The following ARL10 variants were observed in gnomAD, a reference collection of about 807,000 sequenced individuals.
ARL10 encodes ADP-ribosylation factor-like protein 10.
Under a neutral mutation model 26.1 loss-of-function variants are expected in ARL10, and 23 were observed. That is an observed-to-expected ratio of 0.88 (90% CI 0.63 to 1.25). The LOEUF is 1.25. ARL10 is among the 50% of genes most tolerant of loss of function. ARL10 has a pLI of 0.00. For synonymous variants in ARL10, 138 were observed against 149.1 expected (o/e 0.93, Z 0.54); for missense variants, 300 against 323.6 (o/e 0.93, Z 0.56).
At chr5:176,398,675 G>A (rs893005487) in intron 1 of ARL10, among the ~76,000 whole-genome samples, 1 of 151,938 alleles carries the variant, frequency 6.6e-6, no homozygotes, top group Non-Finnish European at 1.5e-5. Flanking sequence ...TCACACCATT[G>A]CACTCCAGCC....
chr5:176,369,294 G>A, intron 3 of ARL10: 4 of 1,111,750 alleles, frequency 3.6e-6, no homozygotes, highest in East Asian at 9.6e-5. Context: ...ATGCAGTGGT[G>A]TGATCTCGGC....
chr5:176,389,625 A>AC, downstream of ARL10: 1 of 1,034,046 alleles, frequency 9.7e-7, no homozygotes, highest in Non-Finnish European at 1.4e-6. Flanking sequence ...GGAGGAAGTG[A>AC]CCCTTTGTGT....
intron 2 of ARL10, 92 bp downstream of exon 2, chr5:176,366,673 A>G (rs1217245915): frequency 4.2e-6 from 6 of 1,413,346 alleles, no homozygotes; most frequent in Non-Finnish European, 4.9e-6. Flanking sequence ...ATGCATGTCT[A>G]AGCAGCACAT....
At chr5:176,404,463 G>C (rs1036616204), downstream of ARL10, among the ~76,000 whole-genome samples, 4 of 152,242 alleles carry the variant, frequency 2.6e-5, no homozygotes, top group Non-Finnish European at 5.9e-5. Flanking sequence ...GCCAGGCTCA[G>C]AGTAGTTAAG....
chr5:176,367,201 G>A (rs1768346307), intron 2 of ARL10, among the ~76,000 whole-genome samples: 1 of 151,920 alleles, frequency 6.6e-6, no homozygotes, highest in Non-Finnish European at 1.5e-5. Flanking sequence ...AGAGACGGGG[G>A]TTTCACCACA....
chr5:176,386,724 A>G, downstream of ARL10: 1 of 888,342 alleles, frequency 1.1e-6, no homozygotes, highest in Non-Finnish European at 1.9e-6. Flanking sequence ...GAACCAGCTC[A>G]CTTCTCCCCT....
chr5:176,396,289 A>G (rs1327431637), intron 1 of ARL10, among the ~76,000 whole-genome samples: 3 of 152,108 alleles, frequency 2.0e-5, no homozygotes, highest in Non-Finnish European at 4.4e-5. Context: ...GATTTAGCCA[A>G]GCAGCCTCCA....
At chr5:176,398,329 A>G (rs2113638221) in intron 1 of ARL10, among the ~76,000 whole-genome samples, 1 of 152,340 alleles carries the variant, frequency 6.6e-6, no homozygotes, top group East Asian at 1.9e-4. Flanking sequence ...GACTCAAGAA[A>G]GCGTGTGCCA....
At chr5:176,385,750 G>T (rs1755791673), downstream of ARL10, among the ~76,000 whole-genome samples, 1 of 152,174 alleles carries the variant, frequency 6.6e-6, no homozygotes, top group East Asian at 1.9e-4. Flanking sequence ...AAATGGGACG[G>T]TCTAAATACA....
At chr5:176,399,621 C>T (rs979282496) in intron 1 of ARL10, among the ~76,000 whole-genome samples, 1 of 151,922 alleles carries the variant, frequency 6.6e-6, no homozygotes, top group Non-Finnish European at 1.5e-5. Flanking sequence ...AGGCCAGGCA[C>T]GGTGGCTCAC....
chr5:176,377,623 G>A lies in ARL10; in HGVS notation c.*5728G>A, dbSNP rs1478417056. 6.6e-6 allele frequency: 1 copy of A among 152,170 alleles called. No individual in the cohort carries two copies. Among genetic ancestry groups the A allele is most frequent in the Non-Finnish European group, 1.5e-5 (1 of 68,024 alleles). The allele number at this position is 152,170 out of a possible 1,614,324, so 9.4% of individuals were successfully genotyped here. Reference sequence around the variant, plus strand: ...TGTTGGTGGAAATACACCACTTGGAGTTTTTATTATCTTCCCTGGATTATG... The same window carrying A: ...TGTTGGTGGAAATACACCACTTGGAATTTTTATTATCTTCCCTGGATTATG... On this transcript the variant is annotated 3_prime_UTR_variant, in exon 4 of 4. Transcript: ENST00000310389. This position sits in a 1 kb window ranked among gnomAD's most constrained non-coding sequence, Gnocchi z 4.5.
chr5:176,388,620 G>T, exon 2 of ARL10: 1 of 1,415,154 alleles, frequency 7.1e-7, no homozygotes, highest in East Asian at 2.3e-5. Context: ...TCCGGAAGGC[G>T]TGCACAAGGC....
chr5:176,389,651 T>G, downstream of ARL10: 1 of 761,390 alleles, frequency 1.3e-6, no homozygotes, highest in East Asian at 2.9e-5. Flanking sequence ...TAACCGAAAG[T>G]TTTTTCAAAA....
At chr5:176,367,002 CTTTTTT>C (rs67066126) in intron 2 of ARL10, among the ~76,000 whole-genome samples, 95 of 106,538 alleles carry the variant, frequency 8.9e-4, no homozygotes, top group African/African-American at 3.4e-3. Flanking sequence ...CCTTTCTAGT[CTTTTTT>C]TTTTTTTTTT....
chr5:176,365,614 G>A lies in ARL10; in HGVS notation c.51G>A (p.Ala17=), dbSNP rs1475916988. ...TGGTGCTGGCGCTGGGCGGCGCCGC[G>A]GCGGTGCTGGGCTCGGTGCTCTTCA... is the stretch of plus-strand genomic sequence containing the variant. ...GPLVLALGGA[A]AVLGSVLFIL... Residue 17 remains alanine, a synonymous_variant, in exon 1 of 4, where the codon GCG becomes GCA. Coordinates refer to ENST00000310389, the MANE Select transcript of ARL10 (RefSeq NM_173664.6). 10 of 1,257,834 alleles carry A rather than the reference G, an allele frequency of 8.0e-6. No homozygotes were observed. Among genetic ancestry groups the A allele is most frequent in the Admixed American group, 4.0e-5 (1 of 24,880 alleles). 77.9% of individuals were successfully genotyped at this position (1,257,834 alleles called of 1,614,324 possible). A position where few individuals can be genotyped will look rare whatever the true frequency, so the allele number is the denominator to read the frequency against.
rs1446236100 is a variant in ARL10, at chr5:176,378,453, C to T, written c.*6558C>T. 6.6e-6 allele frequency: 1 copy of T among 152,224 alleles called. No homozygotes were observed. The highest frequency in any genetic ancestry group is 2.4e-5 in the African/African-American group (1 of 41,452). The allele number at this position is 152,224 out of a possible 1,614,324, so 9.4% of individuals were successfully genotyped here. On this transcript the variant is annotated 3_prime_UTR_variant, in exon 4 of 4. Coordinates refer to ENST00000310389, the MANE Select transcript of ARL10 (RefSeq NM_173664.6). ...AACAGGATAGTAGCAAGTTCATCCA[C>T]TTGAGTCTGTTTTTAATAGGGGCTC...
At chr5:176,385,960 C>T (rs1291421745), downstream of ARL10, 1 of 152,532 alleles carries the variant, frequency 6.6e-6, no homozygotes, top group African/African-American at 2.4e-5. Flanking sequence ...GAATCATATC[C>T]AGAGGTTAGG....
At chr5:176,403,746 C>T (rs140572469), downstream of ARL10, among the ~76,000 whole-genome samples, 372 of 151,236 alleles carry the variant, frequency 2.5e-3, no homozygotes, top group Middle Eastern at 0.014. Context: ...GCCACGGTGC[C>T]CGGCCTGTTT....
the ARL10 span, among the ~76,000 whole-genome samples, chr5:176,411,380 G>A: frequency 2.0e-5 from 3 of 152,200 alleles, 1 homozygote; most frequent in South Asian, 6.2e-4. Flanking sequence ...GACCACAGTG[G>A]CCTATAGCGC....
Sources: allele counts gnomAD v4.1 joint callset (sites outside exome capture counted in the v4.1 genomes callset), GRCh38; gene constraint gnomAD v4.1.1; non-coding constraint Gnocchi (gnomAD v3.1); transcripts MANE v1.5; gene names NCBI Gene and HGNC (gene_info 2026-07-23, HGNC 2026-07-21).